Variants in SNRPN observed in about 807,000 individuals in gnomAD.
SNRPN encodes the protein small nuclear ribonucleoprotein-associated protein N.
A neutral mutation model predicts 25.2 loss-of-function variants in SNRPN; 7 were observed. The ratio of observed to expected loss-of-function variants is 0.28; its 90% confidence interval spans 0.16 to 0.52. The LOEUF is 0.52. Ranked by LOEUF, SNRPN falls within the 20% of genes least tolerant of loss-of-function variation. The pLI is 0.96. For missense variants in SNRPN, 196 were observed against 322.5 expected, an observed-to-expected ratio of 0.61 and a Z score of 3.00; for synonymous variants, 124 against 110.6, an observed-to-expected ratio of 1.12 and a Z score of -0.76.
At chr15:24,955,291 C>T (rs1237696126) in intron 1 of SNRPN, among the ~76,000 whole-genome samples, 1 of 151,978 alleles carries the variant, frequency 6.6e-6, no homozygotes, top group Non-Finnish European at 1.5e-5. Flanking sequence ...CCATCCGCCC[C>T]CAACTGTGGT....
intron 1 of SNRPN, among the ~76,000 whole-genome samples, chr15:24,882,010 G>A (rs994965446): frequency 3.9e-5 from 6 of 152,028 alleles, no homozygotes; most frequent in Non-Finnish European, 2.9e-5. Flanking sequence ...CACCTTCCCC[G>A]ATGCTCTCAG....
At chr15:24,905,037 C>G (rs889792179) in intron 2 of SNRPN, among the ~76,000 whole-genome samples, 1 of 149,538 alleles carries the variant, frequency 6.7e-6, no homozygotes, top group Non-Finnish European at 1.5e-5. Flanking sequence ...CGCTTGAACC[C>G]AGAATTCAGA....
intron 2 of SNRPN, among the ~76,000 whole-genome samples, chr15:24,918,697 T>TATATGTGTGCATATATATAACATA: frequency 2.4e-5 from 2 of 83,678 alleles, no homozygotes; most frequent in African/African-American, 1.0e-4. Flanking sequence ...TAACATAATA[T>TATATGTGTGCATATATATAACATA]ATATGTGTGC....
chr15:24,978,177 C>T lies in SNRPN; in HGVS notation c.560-16C>T, dbSNP rs781632991. 4 of 1,608,418 alleles carry T rather than the reference C, an allele frequency of 2.5e-6. No individual in the cohort carries two copies. The highest frequency in any genetic ancestry group is 1.1e-5 in the South Asian group (1 of 90,724). ...CCATTTTATGAGGCCTTTATTTCTA[C>T]CATTTTTCACTGTAGGCATTATGGC... On this transcript the variant is annotated splice_polypyrimidine_tract_variant and intron_variant, in intron 8 of 9. Transcript: ENST00000390687.
chr15:24,955,611 G>A (rs1362188547), intron 1 of SNRPN, among the ~76,000 whole-genome samples: 2 of 146,508 alleles, frequency 1.4e-5, no homozygotes, highest in African/African-American at 5.1e-5. Context: ...ACTGGGGGGG[G>A]AATTCGTCGC....
intron 2 of SNRPN, among the ~76,000 whole-genome samples, chr15:24,913,884 C>A: frequency 6.6e-6 from 1 of 152,198 alleles, no homozygotes; most frequent in East Asian, 1.9e-4. Context: ...CAGCAGAGAA[C>A]CGTACATTTT....
chr15:24,978,366 T>A, intron 9 of SNRPN, 41 bp from the exon 10 acceptor site: 1 of 1,614,032 alleles, frequency 6.2e-7, no homozygotes, highest in Non-Finnish European at 8.5e-7. Context: ...CCCCTGAATA[T>A]GTGTATCCTC....
At position 24,968,001 on chromosome 15, in the gene SNRPN, G is replaced by T. The variant is rs1270154661; in HGVS notation, c.-225G>T. The T allele has an allele frequency of 6.2e-7, 1 of 1,614,068 alleles. No homozygotes were observed. ...TGGTGGATTTCCAGGCTGAACTGAG[G>T]CAGGCATTCTTAGCTGAGACACCAA... On this transcript the variant is annotated 5_prime_UTR_variant, in exon 3 of 10. Coordinates refer to ENST00000390687, the MANE Select transcript of SNRPN (RefSeq NM_003097.6).
At chr15:24,869,721 A>C (rs1020882096) in intron 1 of SNRPN, among the ~76,000 whole-genome samples, 2 of 152,140 alleles carry the variant, frequency 1.3e-5, no homozygotes, top group Non-Finnish European at 2.9e-5. Context: ...TTACCTGGAC[A>C]AGTTAGCCTT....
chr15:24,901,352 A>G (rs917369034), intron 2 of SNRPN, among the ~76,000 whole-genome samples: 22 of 152,224 alleles, frequency 1.4e-4, no homozygotes, highest in African/African-American at 5.1e-4. Context: ...CCCTAGAATG[A>G]AATAGATGAG....
At position 24,904,380 on chromosome 15, in the gene SNRPN, T is replaced by G. The variant is rs2058662562; in HGVS notation, c.-504-15631T>G. 2.6e-5 allele frequency among the ~76,000 whole-genome samples: 4 copies of G among 152,284 alleles called. No homozygotes were observed. The South Asian group carries it at 8.3e-4, about 32-fold the overall frequency. On this transcript the variant is annotated intron_variant, in intron 2 of 11. Transcript: ENST00000400097. Reference sequence around the variant, plus strand: ...TATTAGAAAATCTGTTCAGGCCGGCTACAGTGGCTAACGCCTGTAATCCTA... The same window carrying G: ...TATTAGAAAATCTGTTCAGGCCGGCGACAGTGGCTAACGCCTGTAATCCTA...
At chr15:24,934,033 C>G (rs1248660745) in intron 3 of SNRPN, among the ~76,000 whole-genome samples, 1 of 152,096 alleles carries the variant, frequency 6.6e-6, no homozygotes, top group Non-Finnish European at 1.5e-5. Flanking sequence ...TGCGGTGGCT[C>G]ACACCTGTAA....
intron 8 of SNRPN, 63 bp from the exon 9 acceptor site, chr15:24,978,130 G>T: frequency 6.5e-7 from 1 of 1,542,986 alleles, no homozygotes; most frequent in Non-Finnish European, 8.9e-7. Context: ...GATTATTTGG[G>T]CTAAATTCTA....
At chr15:24,867,722 T>A (rs536192245) in intron 1 of SNRPN, among the ~76,000 whole-genome samples, 73 of 152,262 alleles carry the variant, frequency 4.8e-4, no homozygotes, top group African/African-American at 1.6e-3. Context: ...TGTTTTTTGA[T>A]CCACTCCAAC....
At chr15:24,959,578 G>T (rs1392775402) in intron 1 of SNRPN, among the ~76,000 whole-genome samples, 1 of 152,058 alleles carries the variant, frequency 6.6e-6, no homozygotes, top group Non-Finnish European at 1.5e-5. Flanking sequence ...TTGTTTTTTG[G>T]TAAGACAGTG....
upstream of SNRPN, among the ~76,000 whole-genome samples, chr15:24,953,395 C>T (rs1260510228): frequency 6.6e-6 from 1 of 152,190 alleles, no homozygotes; most frequent in East Asian, 1.9e-4. Context: ...GTGATCTCAG[C>T]TCACTGCAAC....
At chr15:24,930,588 T>TGCAA (rs2060758435) in intron 3 of SNRPN, among the ~76,000 whole-genome samples, 1 of 18,702 alleles carries the variant, frequency 5.3e-5, no homozygotes. Context: ...TCTACAAAAA[T>TGCAA]ACAAAAAAAA....
chr15:24,881,090 G>A (rs1250275675), intron 1 of SNRPN, among the ~76,000 whole-genome samples: 3 of 152,166 alleles, frequency 2.0e-5, no homozygotes, highest in African/African-American at 7.2e-5. Flanking sequence ...AGCCTCCACA[G>A]GGCAAGTCCT....
At chr15:24,908,760 C>G (rs944836027) in intron 2 of SNRPN, among the ~76,000 whole-genome samples, 1 of 152,158 alleles carries the variant, frequency 6.6e-6, no homozygotes, top group Admixed American at 6.5e-5. Flanking sequence ...CACCTCCAAG[C>G]AGGAGTGTTT....
Sources: allele counts gnomAD v4.1 joint callset (sites outside exome capture counted in the v4.1 genomes callset), GRCh38; gene constraint gnomAD v4.1.1; transcripts MANE v1.5; gene names NCBI Gene and HGNC (gene_info 2026-07-23, HGNC 2026-07-21).